Variants in RASGRF2 observed in about 807,000 individuals in gnomAD.
RASGRF2 encodes Ras protein specific guanine nucleotide releasing factor 2, also known as ras-specific guanine nucleotide-releasing factor 2.
A neutral mutation model predicts 151.0 loss-of-function variants in RASGRF2; 76 were observed. That is an observed-to-expected ratio of 0.50 (90% confidence interval 0.42 to 0.61). The LOEUF (loss-of-function observed/expected upper bound fraction) is 0.61, where lower values mean the gene tolerates loss of function less well. Ranked by LOEUF, RASGRF2 falls within the 20% of genes least tolerant of loss-of-function variation. RASGRF2 has a pLI of 0.00. For missense variants in RASGRF2, 1,148 were observed against 1,564.6 expected (o/e 0.73, Z 4.49); for synonymous variants, 504 against 566.5 (o/e 0.89, Z 1.57).
rs183644936 is a variant in RASGRF2 at position 81,159,857 on chromosome 5, G to A, written c.2687-20318G>A. 2.0e-5 allele frequency among the ~76,000 whole-genome samples: 3 copies of A among 152,324 alleles called. No individual in the cohort carries two copies. The South Asian group carries it at 6.2e-4, about 32-fold the overall frequency. On this transcript the variant is annotated intron_variant, in intron 17 of 26. Coordinates refer to ENST00000265080, the MANE Select transcript of RASGRF2 (RefSeq NM_006909.3). Reference sequence around the variant, plus strand: ...TGTTTTATTAGTGACTAGTGTCCATGCTAACGGCAGTGCCTAGGGAGTTTT... The same window carrying A: ...TGTTTTATTAGTGACTAGTGTCCATACTAACGGCAGTGCCTAGGGAGTTTT...
intron 17 of RASGRF2, among the ~76,000 whole-genome samples, chr5:81,179,778 A>T (rs993959853): frequency 2.0e-5 from 3 of 152,220 alleles, no homozygotes; most frequent in Non-Finnish European, 2.9e-5. Flanking sequence ...TCATCTACAG[A>T]TATTGAAAAT....
Position 81,228,329 on chromosome 5 carries a change from C to T in RASGRF2, c.*2559C>T, listed in dbSNP as rs943617529. Reference sequence around the variant, plus strand: ...CTCTGAGGGAGTGTCTGTTGATGACCTGCACTATTCGTGTGCCAGCTGGGA... The same window carrying T: ...CTCTGAGGGAGTGTCTGTTGATGACTTGCACTATTCGTGTGCCAGCTGGGA... On this transcript the variant is annotated 3_prime_UTR_variant, in exon 27 of 27. Coordinates refer to ENST00000265080, the MANE Select transcript of RASGRF2 (RefSeq NM_006909.3). 6.6e-6 allele frequency: 1 copy of T among 152,204 alleles called. No homozygotes were observed. The highest frequency in any genetic ancestry group is 1.5e-5 in the Non-Finnish European group (1 of 68,040). 9.4% of individuals were successfully genotyped at this position (152,204 alleles called of 1,614,324 possible).
chr5:81,093,104 A>G, intron 10 of RASGRF2, 143 bp downstream of exon 10: 1 of 850,594 alleles, frequency 1.2e-6, no homozygotes, highest in Admixed American at 2.8e-5. Context: ...ATGTACTGTT[A>G]CCAACTCTGC....
At chr5:81,183,731 C>T (rs1754966566) in intron 18 of RASGRF2, among the ~76,000 whole-genome samples, 1 of 152,228 alleles carries the variant, frequency 6.6e-6, no homozygotes, top group Admixed American at 6.5e-5. Context: ...AGTGTTCTTA[C>T]TCCAGCTCTG....
intron 17 of RASGRF2, among the ~76,000 whole-genome samples, chr5:81,135,984 C>CCATA (rs1753743761): frequency 6.6e-6 from 1 of 152,156 alleles, no homozygotes; most frequent in East Asian, 1.9e-4. Flanking sequence ...TTTTACTTAT[C>CCATA]CATATCCTAT....
intron 15 of RASGRF2, among the ~76,000 whole-genome samples, chr5:81,117,389 A>G (rs1753189498): frequency 6.6e-6 from 1 of 152,196 alleles, no homozygotes; most frequent in Admixed American, 6.5e-5. Context: ...AAGGCAACAC[A>G]TAGACGTGAA....
At position 81,105,146 on chromosome 5, in the gene RASGRF2, TC is replaced by T. The variant is rs1388163437; in HGVS notation, c.1756-3848del. Among the ~76,000 whole-genome samples, 39 of 152,272 alleles carry T rather than the reference TC, an allele frequency of 2.6e-4. 1 individual carries two copies. The highest frequency in any genetic ancestry group is 1.6e-4 in the Non-Finnish European group (11 of 68,006). On this transcript the variant is annotated intron_variant, in intron 12 of 26. Coordinates refer to ENST00000265080, the MANE Select transcript of RASGRF2 (RefSeq NM_006909.3). ...TCTTAAGATACCCTGATTGTGGGTA[TC>T]CTGTAGCTTTGATGGGCTGCCAGGT...
intron 1 of RASGRF2, among the ~76,000 whole-genome samples, chr5:81,033,504 A>G (rs1408216276): frequency 1.4e-5 from 2 of 142,656 alleles, no homozygotes; most frequent in Non-Finnish European, 3.0e-5. Flanking sequence ...CACATCTACA[A>G]CCATCTGATC....
chr5:81,211,808 T>C (rs1454857385), intron 22 of RASGRF2, among the ~76,000 whole-genome samples: 4 of 152,262 alleles, frequency 2.6e-5, no homozygotes, highest in Non-Finnish European at 4.4e-5. Flanking sequence ...TAGGTCCTTT[T>C]AACTGCTGGT....
At chr5:81,081,910 C>A (rs986696303) in intron 7 of RASGRF2, among the ~76,000 whole-genome samples, 6 of 152,074 alleles carry the variant, frequency 3.9e-5, no homozygotes, top group Admixed American at 2.6e-4. Context: ...GAACTCTTTG[C>A]CTCTCTTAGG....
intron 19 of RASGRF2, 123 bp from the exon 20 acceptor site, chr5:81,206,722 G>C (rs1755515466): frequency 1.3e-6 from 1 of 752,756 alleles, no homozygotes; most frequent in African/African-American, 1.7e-5. Flanking sequence ...TGGTTGTGCT[G>C]CATGGCCTTG....
chr5:81,130,962 T>G (rs759946032), intron 17 of RASGRF2, among the ~76,000 whole-genome samples: 9 of 152,114 alleles, frequency 5.9e-5, no homozygotes, highest in African/African-American at 2.2e-4. Flanking sequence ...CCTCTGCAGA[T>G]TCCCTCTTGC....
rs1435410172 is a variant in RASGRF2, at chr5:81,051,011, C to A, written c.395+8028C>A. On this transcript the variant is annotated intron_variant, in intron 2 of 26. Coordinates refer to ENST00000265080, the MANE Select transcript of RASGRF2 (RefSeq NM_006909.3). ...AAAAATGATATATTAGTATAATAAG[C>A]ATTTTCTTGATTATTGATAAGATTG... Among the ~76,000 whole-genome samples the A allele has an allele frequency of 1.3e-5, 2 of 152,076 alleles. 1 individual carries two copies. Among genetic ancestry groups the A allele is most frequent in the African/African-American group, 4.8e-5 (2 of 41,406 alleles).
chr5:81,044,613 T>C (rs1353157939), intron 2 of RASGRF2, among the ~76,000 whole-genome samples: 2 of 152,212 alleles, frequency 1.3e-5, no homozygotes, highest in Non-Finnish European at 2.9e-5. Context: ...CTTATCTTTT[T>C]TTATTCTTCA....
At position 81,080,582 on chromosome 5, in the gene RASGRF2, C is replaced by T; in HGVS notation, c.968-14C>T. The T allele has an allele frequency of 3.1e-6, 5 of 1,608,526 alleles. No individual in the cohort carries two copies. Among genetic ancestry groups the T allele is most frequent in the South Asian group, 1.1e-5 (1 of 90,506 alleles). Reference sequence around the variant, plus strand: ...GCAACAAGGGAAACAGCCGTGTTTACTGTTTCTTTGCAGCTGATCTGTTTG... The same window carrying T: ...GCAACAAGGGAAACAGCCGTGTTTATTGTTTCTTTGCAGCTGATCTGTTTG... On this transcript the variant is annotated splice_polypyrimidine_tract_variant and intron_variant, in intron 6 of 26. Transcript: ENST00000265080.
At chr5:81,010,397 T>G (rs1294267857) in intron 1 of RASGRF2, among the ~76,000 whole-genome samples, 1 of 152,162 alleles carries the variant, frequency 6.6e-6, no homozygotes, top group East Asian at 1.9e-4. Flanking sequence ...ATTTTTACAA[T>G]GAAAAAAGGC....
At chr5:81,215,088 C>G (rs1342337902) in intron 23 of RASGRF2, among the ~76,000 whole-genome samples, 1 of 151,946 alleles carries the variant, frequency 6.6e-6, no homozygotes, top group South Asian at 2.1e-4. Context: ...GCTGTAATCC[C>G]CACATTTTGG....
intron 7 of RASGRF2, among the ~76,000 whole-genome samples, chr5:81,083,144 A>G (rs1752132579): frequency 6.6e-6 from 1 of 152,032 alleles, no homozygotes; most frequent in African/African-American, 2.4e-5. Context: ...ATAGTCATGG[A>G]GGTATTTGAA....
chr5:81,061,908 CAAACTCCTGAGCTA>C (rs1673507282), intron 2 of RASGRF2, among the ~76,000 whole-genome samples: 2 of 144,666 alleles, frequency 1.4e-5, no homozygotes, highest in African/African-American at 5.1e-5. Context: ...AGGCTGGTCT[CAAACTCCTGAGCTA>C]AAGTGATCTG....
Sources: allele counts gnomAD v4.1 joint callset (sites outside exome capture counted in the v4.1 genomes callset), GRCh38; gene constraint gnomAD v4.1.1; transcripts MANE v1.5; gene names NCBI Gene and HGNC (gene_info 2026-07-23, HGNC 2026-07-21).